The following IQSEC1 variants were observed in gnomAD, a reference collection of about 807,000 sequenced individuals.
The protein encoded by IQSEC1 is IQ motif and Sec7 domain ArfGEF 1.
In IQSEC1, 31 loss-of-function variants were observed where a neutral mutation model predicts 91.0. The ratio of observed to expected loss-of-function variants is 0.34; its 90% CI spans 0.26 to 0.46. The LOEUF (loss-of-function observed/expected upper bound fraction) is 0.46, where lower values mean the gene tolerates loss of function less well. Among genes scored for constraint, IQSEC1 ranks in the 20% least tolerant of loss-of-function variants. The pLI is 1.00. For synonymous variants in IQSEC1, 699 were observed against 662.6 expected, an observed-to-expected ratio of 1.05 and a Z score of -0.84; for missense variants, 1,388 against 1,575.6, an observed-to-expected ratio of 0.88 and a Z score of 2.02.
At chr3:13,178,399 C>G (rs1207294553) in intron 1 of IQSEC1, among the ~76,000 whole-genome samples, 2 of 152,240 alleles carry the variant, frequency 1.3e-5, no homozygotes, top group East Asian at 3.8e-4. Flanking sequence ...GGATGGGGCT[C>G]TCAGCCCAGT....
At chr3:12,920,348 C>T (rs899142546) in intron 6 of IQSEC1, 82 bp downstream of exon 6, 11 of 1,432,274 alleles carry the variant, frequency 7.7e-6, no homozygotes, top group Non-Finnish European at 9.8e-6. Context: ...GGTTGCCTCA[C>T]GCCCCTTACA....
At position 13,193,775 on chromosome 3, in the gene IQSEC1, C is replaced by G. The variant is rs997284371; in HGVS notation, c.273-29642G>C. ...CTGGACGCTGTCCCACTTCCCCCGG[C>G]CCCACACCCTCCTGCCTGCACCTGC... On this transcript the variant is annotated intron_variant, in intron 1 of 15. Coordinates refer to the IQSEC1 transcript ENST00000648114. The surrounding 1 kb of genome is among the most constrained non-coding windows in gnomAD (Gnocchi z 4.2). 6.6e-6 allele frequency among the ~76,000 whole-genome samples: 1 copy of G among 152,156 alleles called. No homozygotes were observed. Among genetic ancestry groups the G allele is most frequent in the Non-Finnish European group, 1.5e-5 (1 of 68,024 alleles).
chr3:13,021,682 T>C (rs993848611), intron 1 of IQSEC1, among the ~76,000 whole-genome samples: 1 of 152,210 alleles, frequency 6.6e-6, no homozygotes, highest in Admixed American at 6.5e-5. Flanking sequence ...GGGACGCGTG[T>C]GAGCCCCATT....
In IQSEC1 at chr3:13,270,442, G is replaced by A. The variant is rs9843753; in HGVS notation, c.272+12269C>T. Among the ~76,000 whole-genome samples, 1,247 of 152,302 alleles carry A rather than the reference G, an allele frequency of 8.2e-3. 14 individuals carry two copies. The highest frequency in any genetic ancestry group is 0.034 in the South Asian group (162 of 4,824). On this transcript the variant is annotated intron_variant, in intron 1 of 15. Coordinates refer to the IQSEC1 transcript ENST00000648114. ...CTTGTCTTCAGGAAGCTTCTGGGCT[G>A]GTTCCTTGGTGCCTACCCAGTTTGT...
At chr3:13,099,707 C>G (rs748146131) in intron 2 of IQSEC1, among the ~76,000 whole-genome samples, 1 of 152,222 alleles carries the variant, frequency 6.6e-6, no homozygotes, top group African/African-American at 2.4e-5. Context: ...GCCCCCTACT[C>G]CCCGCCAACC....
At chr3:13,078,278 C>T (rs533693636), upstream of IQSEC1, among the ~76,000 whole-genome samples, 2 of 152,292 alleles carry the variant, frequency 1.3e-5, no homozygotes, top group South Asian at 4.1e-4. Context: ...TGAGAGGCCC[C>T]TGAAGGATGC....
At chr3:13,252,292 T>C (rs1695208352) in intron 1 of IQSEC1, among the ~76,000 whole-genome samples, 1 of 152,226 alleles carries the variant, frequency 6.6e-6, no homozygotes, top group Admixed American at 6.5e-5. Context: ...GGGGATCGTA[T>C]GGATCTGCCC....
intron 2 of IQSEC1, among the ~76,000 whole-genome samples, chr3:13,127,773 G>T (rs1019307452): frequency 1.3e-5 from 2 of 152,098 alleles, no homozygotes; most frequent in South Asian, 2.1e-4. Context: ...TCCGATCCAC[G>T]AACATGGTAT....
chr3:13,136,890 A>G (rs1007424105), intron 2 of IQSEC1, among the ~76,000 whole-genome samples: 5 of 152,122 alleles, frequency 3.3e-5, no homozygotes, highest in Non-Finnish European at 5.9e-5. Flanking sequence ...TAATCCCAGC[A>G]CTCTGGGAGG....
At chr3:13,048,448 G>A (rs1384642603) in intron 1 of IQSEC1, among the ~76,000 whole-genome samples, 2 of 152,194 alleles carry the variant, frequency 1.3e-5, no homozygotes, top group Non-Finnish European at 2.9e-5. Context: ...CTGCCTTCCG[G>A]CATGGGGCAC....
At chr3:13,053,453 G>A (rs1559742688) in intron 1 of IQSEC1, among the ~76,000 whole-genome samples, 1 of 152,208 alleles carries the variant, frequency 6.6e-6, no homozygotes, top group Non-Finnish European at 1.5e-5. Context: ...GCCTCAGGGC[G>A]GGGTCTAGGT....
intron 1 of IQSEC1, among the ~76,000 whole-genome samples, chr3:13,005,228 G>A (rs1402135887): frequency 6.6e-6 from 1 of 152,132 alleles, no homozygotes; most frequent in Non-Finnish European, 1.5e-5. Context: ...CCCTTTACTT[G>A]AAAAGCCCGG....
intron 2 of IQSEC1, among the ~76,000 whole-genome samples, chr3:13,153,854 G>A (rs1707039140): frequency 6.6e-6 from 1 of 152,194 alleles, no homozygotes; most frequent in South Asian, 2.1e-4. Flanking sequence ...GCTTGGCTGG[G>A]TGGCTGGTAT....
chr3:13,121,529 T>C (rs965217147), intron 2 of IQSEC1, among the ~76,000 whole-genome samples: 7 of 152,054 alleles, frequency 4.6e-5, no homozygotes, highest in Non-Finnish European at 5.9e-5. Context: ...ACAGGGACCA[T>C]CCCTGTGGCC....
chr3:13,074,813 A>C (rs1214457157), upstream of IQSEC1, among the ~76,000 whole-genome samples: 1 of 97,568 alleles, frequency 1.0e-5, no homozygotes, highest in Non-Finnish European at 2.5e-5. Context: ...CACCGAATTT[A>C]GAAGGAGTGA....
intron 1 of IQSEC1, among the ~76,000 whole-genome samples, chr3:13,067,175 C>T (rs902104105): frequency 6.6e-6 from 1 of 152,208 alleles, no homozygotes; most frequent in Non-Finnish European, 1.5e-5. Flanking sequence ...AGGATATTTT[C>T]ATCCACTCTG....
At chr3:13,194,093 A>G (rs962233034) in intron 1 of IQSEC1, among the ~76,000 whole-genome samples, 1 of 152,112 alleles carries the variant, frequency 6.6e-6, no homozygotes, top group Non-Finnish European at 1.5e-5. Context: ...AGAGGACACC[A>G]GTCAGATTGG....
At position 13,230,414 on chromosome 3, in the gene IQSEC1, G is replaced by C. The variant is rs545663067; in HGVS notation, c.272+52297C>G. Among the ~76,000 whole-genome samples, 8 of 152,256 alleles carry C rather than the reference G, an allele frequency of 5.3e-5. No individual in the cohort carries two copies. The South Asian group carries it at 1.5e-3, about 28-fold the overall frequency. ...CCAGGTGTTTTTCTGCTAAAGCTTTGGCTAACTTTCTCAAAACACTCATCA... is the reference window on the plus strand; with the variant it reads ...CCAGGTGTTTTTCTGCTAAAGCTTTCGCTAACTTTCTCAAAACACTCATCA... On this transcript the variant is annotated intron_variant, in intron 1 of 15. Coordinates refer to the IQSEC1 transcript ENST00000648114.
chr3:12,938,043 C>T (rs1698360388), intron 2 of IQSEC1, among the ~76,000 whole-genome samples: 1 of 152,232 alleles, frequency 6.6e-6, no homozygotes, highest in African/African-American at 2.4e-5. Flanking sequence ...AGGGCCACTC[C>T]CTGCACCTTG....
Sources: gnomAD v4.1 joint callset for allele counts (sites outside exome capture counted in the v4.1 genomes callset) on GRCh38, gnomAD v4.1.1 for gene constraint, Gnocchi (gnomAD v3.1) non-coding constraint, MANE v1.5 for transcripts, NCBI Gene and HGNC (gene_info 2026-07-23, HGNC 2026-07-21) for gene names.